Variants in PPP2R3A observed in about 807,000 individuals in gnomAD.
The protein encoded by PPP2R3A is protein phosphatase 2 regulatory subunit B''alpha.
A neutral mutation model predicts 106.9 loss-of-function variants in PPP2R3A; 80 were observed. The observed-to-expected ratio is 0.75, with a 90% confidence interval of 0.62 to 0.90. PPP2R3A has a LOEUF of 0.90. PPP2R3A is among the 40% of genes least tolerant of loss of function. PPP2R3A has a pLI of 0.00. For missense variants in PPP2R3A, 1,386 were observed against 1,350.4 expected (o/e 1.03, Z -0.41); for synonymous variants, 483 against 468.3 (o/e 1.03, Z -0.41).
intron 5 of PPP2R3A, among the ~76,000 whole-genome samples, chr3:136,056,042 G>T (rs977919304): frequency 6.6e-6 from 1 of 152,134 alleles, no homozygotes; most frequent in African/African-American, 2.4e-5. Context: ...GCAAGATATG[G>T]TGCAAAGGAC....
intron 1 of PPP2R3A, among the ~76,000 whole-genome samples, chr3:135,975,512 C>T (rs1245869264): frequency 6.6e-6 from 1 of 152,144 alleles, no homozygotes; most frequent in Non-Finnish European, 1.5e-5. Context: ...AGTCTCTTTG[C>T]TTTCCTTTTC....
chr3:135,980,709 C>T (rs1389849883), intron 1 of PPP2R3A, among the ~76,000 whole-genome samples: 1 of 151,842 alleles, frequency 6.6e-6, no homozygotes, highest in Non-Finnish European at 1.5e-5. Flanking sequence ...CCCTTAAGAG[C>T]CAGTTGCCAT....
chr3:136,002,682 C>T lies in PPP2R3A; in HGVS notation c.1184C>T (p.Ser395Leu), dbSNP rs376094878. 18 of 1,613,236 alleles carry T rather than the reference C, an allele frequency of 1.1e-5. No individual in the cohort carries two copies. Among genetic ancestry groups the T allele is most frequent in the Non-Finnish European group, 1.4e-5 (17 of 1,179,344 alleles). ...ACTCTAAAAGCTGTCCAGGTCCAAT[C>T]ACAGTCATTAACCATGAATCCTTTA... Reference protein sequence around the residue: ...PRTLKAVQVQSQSLTMNPLEN... With the variant: ...PRTLKAVQVQLQSLTMNPLEN... Residue 395 changes from serine (S) to leucine (L), a missense_variant, in exon 2 of 14, where the codon TCA becomes TTA. Physicochemically the swap from Ser to Leu is moderately radical, Grantham distance 145. Coordinates refer to ENST00000264977, the MANE Select transcript of PPP2R3A (RefSeq NM_002718.5).
At chr3:136,049,438 C>T (rs1353838613) in intron 5 of PPP2R3A, 77 bp downstream of exon 5, 7 of 1,041,464 alleles carry the variant, frequency 6.7e-6, no homozygotes, top group South Asian at 2.8e-5. Context: ...ACAACTATAA[C>T]ATGTCAATTG....
intron 10 of PPP2R3A, among the ~76,000 whole-genome samples, chr3:136,101,222 G>A (rs1937350831): frequency 6.6e-6 from 1 of 152,034 alleles, no homozygotes; most frequent in African/African-American, 2.4e-5. Flanking sequence ...CAGAATTTGG[G>A]GGTTGAATTA....
At chr3:136,114,375 T>G (rs995483257) in intron 13 of PPP2R3A, among the ~76,000 whole-genome samples, 3 of 152,188 alleles carry the variant, frequency 2.0e-5, no homozygotes, top group African/African-American at 7.2e-5. Flanking sequence ...GTTGTTGTTT[T>G]TTTTGTTTTG....
Position 136,001,795 on chromosome 3 carries a change from A to C in PPP2R3A, c.297A>C (p.Arg99Ser), listed in dbSNP as rs1279031517. The change falls in exon 2 of 14, where the codon AGA becomes AGC. Residue 99 changes from arginine (R) to serine (S), a missense_variant. Physicochemically the swap from Arg to Ser is moderately radical, Grantham distance 110 (BLOSUM62 -1). Transcript: ENST00000264977. Reference sequence around the variant, plus strand: ...TCACAGGCATACCCAGGGTCAAGAGAGGATCTACATTTCAGAATACCTACA... The same window carrying C: ...TCACAGGCATACCCAGGGTCAAGAGCGGATCTACATTTCAGAATACCTACA... Reference protein sequence around the residue: ...QAFTGIPRVKRGSTFQNTYNL... With the variant: ...QAFTGIPRVKSGSTFQNTYNL... The C allele has an allele frequency of 6.2e-7, 1 of 1,614,172 alleles. No homozygotes were observed. Among genetic ancestry groups the C allele is most frequent in the Non-Finnish European group, 8.5e-7 (1 of 1,180,026 alleles).
chr3:136,117,217 C>T (rs1264517674), intron 13 of PPP2R3A, among the ~76,000 whole-genome samples: 1 of 152,172 alleles, frequency 6.6e-6, no homozygotes, highest in Non-Finnish European at 1.5e-5. Context: ...GTACCAGAAT[C>T]TCTGGGACAC....
intron 1 of PPP2R3A, among the ~76,000 whole-genome samples, chr3:135,973,249 C>G (rs538451260): frequency 6.6e-6 from 1 of 152,248 alleles, no homozygotes; most frequent in South Asian, 2.1e-4. Context: ...AAAACACTTG[C>G]CTCACAAAGT....
At chr3:136,129,089 T>C (rs892891597) in intron 13 of PPP2R3A, among the ~76,000 whole-genome samples, 1 of 151,386 alleles carries the variant, frequency 6.6e-6, no homozygotes, top group African/African-American at 2.4e-5. Flanking sequence ...ATCGACACCC[T>C]AACATCACAA....
intron 13 of PPP2R3A, among the ~76,000 whole-genome samples, chr3:136,141,963 C>A (rs1351739651): frequency 6.6e-6 from 1 of 152,042 alleles, no homozygotes; most frequent in East Asian, 1.9e-4. Flanking sequence ...ATAGGGAGAA[C>A]CAGGGCAGTG....
At chr3:136,005,747 G>T (rs1443999459) in intron 2 of PPP2R3A, among the ~76,000 whole-genome samples, 1 of 152,134 alleles carries the variant, frequency 6.6e-6, no homozygotes, top group Non-Finnish European at 1.5e-5. Flanking sequence ...AATGTCATAA[G>T]AGCTACCAGT....
chr3:135,976,366 C>T (rs575318338), intron 1 of PPP2R3A, among the ~76,000 whole-genome samples: 9 of 152,126 alleles, frequency 5.9e-5, no homozygotes, highest in Admixed American at 2.6e-4. Context: ...CCATCAGGAC[C>T]GTCATGGTAG....
intron 13 of PPP2R3A, among the ~76,000 whole-genome samples, chr3:136,138,547 A>G (rs1170017113): frequency 2.0e-5 from 3 of 152,200 alleles, no homozygotes; most frequent in African/African-American, 4.8e-5. Flanking sequence ...AAGGAAATTC[A>G]GTGAACCAAA....
intron 11 of PPP2R3A, among the ~76,000 whole-genome samples, chr3:136,102,805 A>T (rs1937411319): frequency 1.3e-5 from 2 of 152,182 alleles, no homozygotes; most frequent in African/African-American, 4.8e-5. Flanking sequence ...AGCCTAGGCA[A>T]CACAGCGAGA....
rs1327489865 is a variant in PPP2R3A at position 136,001,618 on chromosome 3, T to G, written c.120T>G (p.His40Gln). The G allele has an allele frequency of 6.2e-7, 1 of 1,613,996 alleles. No individual in the cohort carries two copies. The highest frequency in any genetic ancestry group is 1.3e-5 in the African/African-American group (1 of 74,880). Reference protein sequence around the residue: ...YCTGTCHTFTHGIDCIVVHHS... With the variant: ...YCTGTCHTFTQGIDCIVVHHS... ...CTGGAACCTGCCACACCTTCACACATGGAATTGACTGCATTGTGGTACACC... is the reference window on the plus strand; with the variant it reads ...CTGGAACCTGCCACACCTTCACACAGGGAATTGACTGCATTGTGGTACACC... The change falls in exon 2 of 14, where the codon CAT becomes CAG. Residue 40 changes from histidine (H) to glutamine (Q), a missense_variant. Physicochemically the swap from His to Gln is conservative, Grantham distance 24. Transcript: ENST00000264977.
At chr3:136,100,647 A>G (rs1260517009) in intron 10 of PPP2R3A, among the ~76,000 whole-genome samples, 1 of 152,120 alleles carries the variant, frequency 6.6e-6, no homozygotes, top group African/African-American at 2.4e-5. Context: ...ACTGCACTCC[A>G]GCCTGGGCAA....
intron 1 of PPP2R3A, among the ~76,000 whole-genome samples, chr3:135,977,596 A>G (rs1455522032): frequency 6.6e-6 from 1 of 151,980 alleles, no homozygotes; most frequent in Admixed American, 6.6e-5. Context: ...GTGTCAAAAT[A>G]TAAGTTAAAG....
chr3:136,014,030 G>A (rs763807979), intron 2 of PPP2R3A, among the ~76,000 whole-genome samples: 7 of 152,110 alleles, frequency 4.6e-5, no homozygotes, highest in Admixed American at 1.3e-4. Context: ...GATGAGAAAT[G>A]AGGATCCAGC....
Sources: gnomAD v4.1 joint callset for allele counts (sites outside exome capture counted in the v4.1 genomes callset) on GRCh38, gnomAD v4.1.1 for gene constraint, MANE v1.5 for transcripts, NCBI Gene and HGNC (gene_info 2026-07-23, HGNC 2026-07-21) for gene names.